TOR1AIP2: variants seen among roughly 807,000 people sequenced by gnomAD.
TOR1AIP2 encodes the protein torsin 1A interacting protein 2.
Under a neutral mutation model 32.6 loss-of-function variants are expected in TOR1AIP2, and 20 were observed. The ratio of observed to expected loss-of-function variants is 0.61; its 90% confidence interval spans 0.43 to 0.89. The LOEUF (loss-of-function observed/expected upper bound fraction) is 0.89, where lower values mean the gene tolerates loss of function less well. Among genes scored for constraint, TOR1AIP2 ranks in the 40% least tolerant of loss-of-function variants. TOR1AIP2 has a pLI of 0.00. For synonymous variants in TOR1AIP2, 214 were observed against 210.8 expected (o/e 1.02, Z -0.13); for missense variants, 456 against 553.8 (o/e 0.82, Z 1.77).
intron 3 of TOR1AIP2, among the ~76,000 whole-genome samples, chr1:179,853,425 G>GT (rs1366582223): frequency 6.6e-6 from 1 of 152,002 alleles, no homozygotes; most frequent in Admixed American, 6.6e-5. Flanking sequence ...AATTATTAAG[G>GT]TTTACACAAA....
At chr1:179,853,975 A>G (rs985179527) in intron 3 of TOR1AIP2, among the ~76,000 whole-genome samples, 2 of 152,136 alleles carry the variant, frequency 1.3e-5, no homozygotes, top group Non-Finnish European at 2.9e-5. Context: ...TGTTGGAATG[A>G]AGTTTTCTCT....
chr1:179,861,792 A>G (rs962691659), intron 3 of TOR1AIP2: 2 of 985,232 alleles, frequency 2.0e-6, no homozygotes, highest in Non-Finnish European at 2.4e-6. Flanking sequence ...ATATTACTAC[A>G]GCATTTCTCA....
In TOR1AIP2 at chr1:179,845,203, T is replaced by G. The variant is rs1695854051; in HGVS notation, c.*868A>C. On this transcript the variant is annotated 3_prime_UTR_variant, in exon 7 of 7. Transcript: ENST00000609928. Reference sequence around the variant, plus strand: ...AATCAATGGTTTTCAAACTCGAATATCAGTGAAACTCTTTGTTCCAATGAA... The same window carrying G: ...AATCAATGGTTTTCAAACTCGAATAGCAGTGAAACTCTTTGTTCCAATGAA... 1 of 152,194 alleles carries G rather than the reference T, an allele frequency of 6.6e-6. No individual in the cohort carries two copies. Among genetic ancestry groups the G allele is most frequent in the African/African-American group, 2.4e-5 (1 of 41,460 alleles). The allele number at this position is 152,194 out of a possible 1,614,324, so 9.4% of individuals were successfully genotyped here.
chr1:179,854,612 G>A (rs1264443901), intron 3 of TOR1AIP2, among the ~76,000 whole-genome samples: 1 of 152,198 alleles, frequency 6.6e-6, no homozygotes, highest in African/African-American at 2.4e-5. Flanking sequence ...GCTCATGCCT[G>A]TAATCCCTGC....
chr1:179,848,983 A>G (rs1340622492), intron 5 of TOR1AIP2, among the ~76,000 whole-genome samples: 1 of 151,998 alleles, frequency 6.6e-6, no homozygotes, highest in African/African-American at 2.4e-5. Context: ...ACAAAAAAAA[A>G]AAATTAGTTG....
chr1:179,872,091 C>A (rs944045892), intron 2 of TOR1AIP2, among the ~76,000 whole-genome samples: 5 of 152,076 alleles, frequency 3.3e-5, no homozygotes, highest in Non-Finnish European at 5.9e-5. Flanking sequence ...AAAATATTAC[C>A]CAAGGTTAGA....
rs542764256 is a variant in TOR1AIP2 at position 179,861,069 on chromosome 1, T to A, written c.-147+4367A>T. 29 of 985,456 alleles carry A rather than the reference T, an allele frequency of 2.9e-5. No individual in the cohort carries two copies. In the African/African-American group the frequency reaches 4.9e-4, roughly 17 times the overall value. 61.0% of individuals were successfully genotyped at this position (985,456 alleles called of 1,614,324 possible). On this transcript the variant is annotated intron_variant, in intron 3 of 6. Coordinates refer to ENST00000609928, the MANE Select transcript of TOR1AIP2 (RefSeq NM_001199260.2). ...CCCTTGCATGTTTCCATTAACCTTT[T>A]CACTCCCTGGACTGCCATAAAATAA...
At chr1:179,851,884 T>C (rs540158830) in intron 4 of TOR1AIP2, among the ~76,000 whole-genome samples, 1 of 152,306 alleles carries the variant, frequency 6.6e-6, no homozygotes, top group South Asian at 2.1e-4. Context: ...GCAACCAGTT[T>C]CCAAGAAATA....
rs914367703 is a variant in TOR1AIP2, at chr1:179,850,697, G to C, written c.553+148C>G. ...CTCATTCTAAAATCAACTCAGTCAT[G>C]GCTTGGTGTGAGCTTGGGCAAGGCC... On this transcript the variant is annotated intron_variant, in intron 5 of 6. Coordinates refer to ENST00000609928, the MANE Select transcript of TOR1AIP2 (RefSeq NM_001199260.2). The C allele has an allele frequency of 3.4e-6, 3 of 892,964 alleles. No individual in the cohort carries two copies. The African/African-American group carries it at 5.0e-5, about 15-fold the overall frequency. 55.3% of individuals were successfully genotyped at this position (892,964 alleles called of 1,614,324 possible).
chr1:179,856,265 T>C (rs989171804), intron 3 of TOR1AIP2, among the ~76,000 whole-genome samples: 2 of 152,252 alleles, frequency 1.3e-5, no homozygotes, highest in African/African-American at 4.8e-5. Flanking sequence ...GTATGTGACA[T>C]AGATTATCCT....
rs919778741 is a variant in TOR1AIP2, at chr1:179,851,063, G to A, written c.335C>T (p.Pro112Leu). The A allele has an allele frequency of 1.2e-6, 2 of 1,614,188 alleles. No homozygotes were observed. Among genetic ancestry groups the A allele is most frequent in the African/African-American group, 2.7e-5 (2 of 75,036 alleles). The change falls in exon 5 of 7, where the codon CCC becomes CTC. Residue 112 changes from proline to leucine, a missense_variant. Pro to Leu is a moderately conservative substitution (Grantham distance 98). Transcript: ENST00000609928. ...AGAATGGCTGGGATCTGGATCCAAG[G>A]GTTCTTTACCCAGATTTTCTGAAGG... The part of the protein sequence containing the change: ...HLPSENLGKE[P>L]LDPDPSHSPS...
intron 5 of TOR1AIP2, among the ~76,000 whole-genome samples, 191 bp from the exon 6 acceptor site, chr1:179,847,827 A>T (rs1414444514): frequency 1.3e-5 from 2 of 152,144 alleles, no homozygotes; most frequent in East Asian, 3.9e-4. Context: ...TGGGGTCAGG[A>T]GTTTGAGACC....
rs1695799040 is a variant in TOR1AIP2, at chr1:179,843,687, A to G, written c.*2384T>C. 6.6e-6 allele frequency: 1 copy of G among 151,678 alleles called. No individual in the cohort carries two copies. The highest frequency in any genetic ancestry group is 1.5e-5 in the Non-Finnish European group (1 of 68,062). The allele number at this position is 151,678 out of a possible 1,614,324, so 9.4% of individuals were successfully genotyped here. A position where few individuals can be genotyped will look rare whatever the true frequency, so the allele number is the denominator to read the frequency against. Reference sequence around the variant, plus strand: ...AAATAGTGTGGTAGAGTGGTGTGGTAGTCTGCACTTGTAGTCCCGGCTACT... The same window carrying G: ...AAATAGTGTGGTAGAGTGGTGTGGTGGTCTGCACTTGTAGTCCCGGCTACT... On this transcript the variant is annotated 3_prime_UTR_variant, in exon 7 of 7. Transcript: ENST00000609928.
intron 3 of TOR1AIP2, chr1:179,862,287 CTAATAAT>C: frequency 1.0e-6 from 1 of 979,610 alleles, no homozygotes; most frequent in Non-Finnish European, 1.2e-6. Context: ...TAAGCATTCT[CTAATAAT>C]TAAAAAATTT....
chr1:179,860,523 C>T (rs1696481176), intron 3 of TOR1AIP2: 3 of 985,368 alleles, frequency 3.0e-6, no homozygotes, highest in Admixed American at 6.2e-5. Context: ...CCTTATTCCC[C>T]AGTTCTAACT....
At position 179,850,904 on chromosome 1, in the gene TOR1AIP2, C is replaced by A; in HGVS notation, c.494G>T (p.Gly165Val). The change falls in exon 5 of 7, where the codon GGT becomes GTT. Residue 165 changes from glycine to valine, a missense_variant. Physicochemically the swap from Gly to Val is moderately radical, Grantham distance 109. Coordinates refer to ENST00000609928, the MANE Select transcript of TOR1AIP2 (RefSeq NM_001199260.2). ...ACCCTCTTGCCCTGCACTGGAATGA[C>A]CAGGACTCTGGGCCTCCTGGGAGTC... ...TTDSQEAQSP[G>V]HSSAGQEGED... 6.2e-7 allele frequency: 1 copy of A among 1,614,196 alleles called. No individual in the cohort carries two copies. Among genetic ancestry groups the A allele is most frequent in the Non-Finnish European group, 8.5e-7 (1 of 1,180,018 alleles).
rs114239460 is a variant in TOR1AIP2, at chr1:179,848,515, C to T, written c.554-879G>A. ...GAAAATTCACGAAATATGTAAAAATCCAGATGTAGGGAGGGCATGCCAAGC... is the reference window on the plus strand; with the variant it reads ...GAAAATTCACGAAATATGTAAAAATTCAGATGTAGGGAGGGCATGCCAAGC... On this transcript the variant is annotated intron_variant, in intron 5 of 6. Transcript: ENST00000609928. 4.6e-3 allele frequency among the ~76,000 whole-genome samples: 702 copies of T among 152,170 alleles called. 2 individuals carry two copies. Among genetic ancestry groups the T allele is most frequent in the Non-Finnish European group, 7.5e-3 (508 of 68,004 alleles).
intron 4 of TOR1AIP2, 53 bp downstream of exon 4, chr1:179,852,577 GCA>G: frequency 1.3e-6 from 2 of 1,588,622 alleles, no homozygotes; most frequent in Non-Finnish European, 1.7e-6. Context: ...TTCTCTCTCT[GCA>G]CACCCCTGGT....
intron 4 of TOR1AIP2, 43 bp from the exon 5 acceptor site, chr1:179,851,406 C>A: frequency 2.9e-6 from 4 of 1,388,050 alleles, no homozygotes; most frequent in Admixed American, 2.8e-5. Flanking sequence ...AAAAAATTCC[C>A]CATAAATTTA....
Sources: allele counts gnomAD v4.1 joint callset (sites outside exome capture counted in the v4.1 genomes callset), GRCh38; gene constraint gnomAD v4.1.1; transcripts MANE v1.5; gene names NCBI Gene and HGNC (gene_info 2026-07-23, HGNC 2026-07-21).